The following PIGN variants were observed in gnomAD, a reference collection of about 807,000 sequenced individuals.
The protein encoded by PIGN is GPI ethanolamine phosphate transferase 1.
Under a neutral mutation model 125.4 loss-of-function variants are expected in PIGN, and 117 were observed. The observed-to-expected ratio is 0.93, with a 90% CI of 0.80 to 1.09. The LOEUF is 1.09. Ranked by LOEUF, PIGN falls within the 50% of genes least tolerant of loss-of-function variation. The probability of loss-of-function intolerance (pLI) is 0.00; values close to 1 mark genes in which losing one functional copy is unlikely to be tolerated. For synonymous variants in PIGN, 392 were observed against 377.8 expected, an observed-to-expected ratio of 1.04 and a Z score of -0.44; for missense variants, 1,075 against 1,094.9, an observed-to-expected ratio of 0.98 and a Z score of 0.26.
chr18:62,039,758 G>A (rs865981710), downstream of PIGN, among the ~76,000 whole-genome samples: 216 of 75,682 alleles, frequency 2.9e-3, 7 homozygotes, highest in Non-Finnish European at 4.8e-3. Context: ...CCAGGGTGCC[G>A]CACCCCATGT....
intron 7 of PIGN, among the ~76,000 whole-genome samples, chr18:62,150,947 G>A (rs974542460): frequency 5.3e-5 from 8 of 151,958 alleles, no homozygotes; most frequent in South Asian, 2.1e-4. Flanking sequence ...TGATCCACCC[G>A]CCTCGGCCTC....
At chr18:62,081,748 A>C (rs2033459478) in intron 28 of PIGN, among the ~76,000 whole-genome samples, 2 of 152,140 alleles carry the variant, frequency 1.3e-5, no homozygotes, top group Non-Finnish European at 2.9e-5. Context: ...CTAAGTAAAT[A>C]TCTCTTATGT....
intron 6 of PIGN, among the ~76,000 whole-genome samples, chr18:62,156,292 G>C (rs182975009): frequency 6.6e-6 from 1 of 152,048 alleles, no homozygotes; most frequent in Non-Finnish European, 1.5e-5. Context: ...TGGCATCTTC[G>C]ATGTATTAAA....
At chr18:62,168,932 C>T (rs1038101783) in intron 1 of PIGN, among the ~76,000 whole-genome samples, 10 of 150,734 alleles carry the variant, frequency 6.6e-5, no homozygotes, top group South Asian at 2.1e-4. Context: ...CTCAGCTCAC[C>T]GCAACCTCCG....
At chr18:62,149,026 G>T (rs919447964) in intron 7 of PIGN, among the ~76,000 whole-genome samples, 2 of 152,118 alleles carry the variant, frequency 1.3e-5, no homozygotes, top group African/African-American at 4.8e-5. Context: ...GCATGAACAT[G>T]GGTGCAAAAC....
chr18:62,037,403 G>A (rs17069355), downstream of PIGN, among the ~76,000 whole-genome samples: 3,352 of 152,322 alleles, frequency 0.022, 103 homozygotes, highest in African/African-American at 0.057. Flanking sequence ...GGCCATGGCC[G>A]GGCCTGTCCA....
In PIGN at chr18:62,154,939, T is replaced by G. The variant is rs2036669159; in HGVS notation, c.443-288A>C. 2.0e-5 allele frequency among the ~76,000 whole-genome samples: 3 copies of G among 152,276 alleles called. No homozygotes were observed. The South Asian group carries it at 6.2e-4, about 32-fold the overall frequency. On this transcript the variant is annotated intron_variant, in intron 6 of 30. Transcript: ENST00000640252. Reference sequence around the variant, plus strand: ...TTAATTAACACACCAAAATCACAACTCTAATAAGCAATATAACAAAAATAA... The same window carrying G: ...TTAATTAACACACCAAAATCACAACGCTAATAAGCAATATAACAAAAATAA...
chr18:62,076,823 G>A (rs1199735867), intron 28 of PIGN, among the ~76,000 whole-genome samples: 2 of 152,132 alleles, frequency 1.3e-5, no homozygotes, highest in Non-Finnish European at 2.9e-5. Flanking sequence ...ACATAATAAA[G>A]TGTGTTAATC....
intron 28 of PIGN, 42 bp from the exon 29 acceptor site, chr18:62,074,863 G>C (rs753202182): frequency 7.2e-7 from 1 of 1,393,270 alleles, no homozygotes; most frequent in South Asian, 1.2e-5. Flanking sequence ...AATACAACAG[G>C]TGCATTTTTC....
At chr18:62,157,886 T>G in intron 4 of PIGN, 78 bp from the exon 5 acceptor site, 2 of 1,342,930 alleles carry the variant, frequency 1.5e-6, no homozygotes, top group Non-Finnish European at 2.0e-6. Context: ...AACATAAGAT[T>G]ATTACAGAAG....
Position 62,105,641 on chromosome 18 carries a change from T to A in PIGN, c.1768-7A>T. The A allele has an allele frequency of 6.6e-7, 1 of 1,521,536 alleles. No individual in the cohort carries two copies. The highest frequency in any genetic ancestry group is 1.2e-5 in the South Asian group (1 of 81,094). 94.3% of individuals were successfully genotyped at this position (1,521,536 alleles called of 1,614,324 possible). ...TCCAACTCAGTGAGGTCATCTAAAA[T>A]CAAGAAAAAAGTTATCTTTAGACAA... On this transcript the variant is annotated splice_region_variant and splice_polypyrimidine_tract_variant and intron_variant, in intron 19 of 30. Coordinates refer to ENST00000640252, the MANE Select transcript of PIGN (RefSeq NM_176787.5).
At chr18:62,081,078 C>T (rs559959954) in intron 28 of PIGN, among the ~76,000 whole-genome samples, 1 of 152,132 alleles carries the variant, frequency 6.6e-6, no homozygotes, top group East Asian at 1.9e-4. Context: ...AGGAGTGAGT[C>T]GGAAGAGAAG....
In PIGN at chr18:62,101,064, T is replaced by A; in HGVS notation, c.2077+11A>T. 1 of 1,435,628 alleles carries A rather than the reference T, an allele frequency of 7.0e-7. No homozygotes were observed. Among genetic ancestry groups the A allele is most frequent in the Non-Finnish European group, 9.8e-7 (1 of 1,016,494 alleles). 88.9% of individuals were successfully genotyped at this position (1,435,628 alleles called of 1,614,324 possible). On this transcript the variant is annotated intron_variant, in intron 22 of 30. Transcript: ENST00000640252. ...GTCAAATTACCTCACCTGGTTTGAG[T>A]GGCCTCTTACCTAATGTTGCCCAGC...
chr18:62,073,070 C>G (rs1352179292), intron 29 of PIGN, among the ~76,000 whole-genome samples: 1 of 152,092 alleles, frequency 6.6e-6, no homozygotes, highest in Non-Finnish European at 1.5e-5. Context: ...ATTTACTGTA[C>G]TGACTACCTA....
intron 4 of PIGN, among the ~76,000 whole-genome samples, chr18:62,160,607 C>G (rs958847328): frequency 6.6e-6 from 1 of 151,496 alleles, no homozygotes; most frequent in Non-Finnish European, 1.5e-5. Flanking sequence ...ACCTCTGCCT[C>G]GCAGGTTCTC....
At chr18:62,124,227 A>C (rs1226917925) in intron 14 of PIGN, among the ~76,000 whole-genome samples, 2 of 152,194 alleles carry the variant, frequency 1.3e-5, no homozygotes, top group Admixed American at 6.5e-5. Context: ...CAAGCATTCC[A>C]CAGAAATACC....
intron 12 of PIGN, among the ~76,000 whole-genome samples, chr18:62,139,489 T>C (rs2036060931): frequency 6.6e-6 from 1 of 152,232 alleles, no homozygotes; most frequent in African/African-American, 2.4e-5. Flanking sequence ...TCATTATACA[T>C]ATACACAAAC....
chr18:62,047,307 G>T (rs991540562), intron 30 of PIGN, among the ~76,000 whole-genome samples: 3 of 152,152 alleles, frequency 2.0e-5, no homozygotes, highest in African/African-American at 7.2e-5. Context: ...TGGTACTTCT[G>T]TCCATACCTG....
chr18:62,152,586 T>C (rs532698364), intron 7 of PIGN, among the ~76,000 whole-genome samples: 5 of 152,276 alleles, frequency 3.3e-5, no homozygotes, highest in African/African-American at 1.2e-4. Context: ...TTGGGCAAAA[T>C]CATCTAACAT....
Sources: gnomAD v4.1 joint callset for allele counts (sites outside exome capture counted in the v4.1 genomes callset) on GRCh38, gnomAD v4.1.1 for gene constraint, MANE v1.5 for transcripts, NCBI Gene and HGNC (gene_info 2026-07-23, HGNC 2026-07-21) for gene names.